The following MAGI2 variants were observed in gnomAD, a reference collection of about 807,000 sequenced individuals.
The protein encoded by MAGI2 is membrane associated guanylate kinase, WW and PDZ domain containing 2, also known as membrane-associated guanylate kinase, WW and PDZ domain-containing protein 2.
Under a neutral mutation model 133.3 loss-of-function variants are expected in MAGI2, and 35 were observed. That is an observed-to-expected ratio of 0.26 (90% CI 0.20 to 0.35). The LOEUF (loss-of-function observed/expected upper bound fraction) is 0.35. Ranked by LOEUF, MAGI2 falls within the 10% of genes least tolerant of loss-of-function variation. The pLI is 1.00. For synonymous variants in MAGI2, 729 were observed against 710.6 expected, an observed-to-expected ratio of 1.03 and a Z score of -0.41; for missense variants, 1,636 against 1,863.4, an observed-to-expected ratio of 0.88 and a Z score of 2.25.
At chr7:79,129,042 TG>T (rs1820682485) in intron 1 of MAGI2, among the ~76,000 whole-genome samples, 1 of 152,194 alleles carries the variant, frequency 6.6e-6, no homozygotes, top group Admixed American at 6.5e-5. Context: ...AGCTAATTTT[TG>T]TATTTTTAGC....
intron 2 of MAGI2, among the ~76,000 whole-genome samples, chr7:78,647,093 A>G (rs1810974130): frequency 6.6e-6 from 1 of 152,324 alleles, no homozygotes; most frequent in African/African-American, 2.4e-5. Context: ...TCATAAAAAT[A>G]TTGTCATGCT....
At chr7:78,942,375 C>T (rs752455577) in intron 2 of MAGI2, among the ~76,000 whole-genome samples, 2 of 151,952 alleles carry the variant, frequency 1.3e-5, no homozygotes, top group Admixed American at 1.3e-4. Flanking sequence ...AGTAGATGTA[C>T]CTACAGTCAT....
intron 2 of MAGI2, among the ~76,000 whole-genome samples, chr7:78,837,473 G>A (rs897450695): frequency 8.5e-5 from 13 of 152,068 alleles, no homozygotes; most frequent in African/African-American, 2.9e-4. Context: ...AAGATAGAAC[G>A]AAAATAGTTG....
intron 2 of MAGI2, among the ~76,000 whole-genome samples, chr7:78,998,117 C>T (rs1224763063): frequency 6.6e-6 from 1 of 152,138 alleles, no homozygotes; most frequent in Non-Finnish European, 1.5e-5. Context: ...GCATCCTTAA[C>T]TTGACATTCA....
intron 6 of MAGI2, among the ~76,000 whole-genome samples, chr7:78,452,827 A>T (rs772888273): frequency 1.3e-5 from 2 of 152,036 alleles, no homozygotes; most frequent in Non-Finnish European, 2.9e-5. Context: ...CATACTTTTG[A>T]TGTGAACATT....
At chr7:78,436,538 C>T (rs966933895) in intron 6 of MAGI2, among the ~76,000 whole-genome samples, 1 of 152,144 alleles carries the variant, frequency 6.6e-6, no homozygotes, top group Non-Finnish European at 1.5e-5. Flanking sequence ...ATGCTCATTG[C>T]TAAGAACAAA....
chr7:78,799,243 C>T (rs1787862692), intron 2 of MAGI2, among the ~76,000 whole-genome samples: 1 of 152,066 alleles, frequency 6.6e-6, no homozygotes, highest in Non-Finnish European at 1.5e-5. Flanking sequence ...ATACAAGGGG[C>T]TGTATATGAC....
intron 1 of MAGI2, among the ~76,000 whole-genome samples, chr7:79,378,525 T>G (rs1417198420): frequency 2.7e-5 from 4 of 149,848 alleles, no homozygotes; most frequent in Non-Finnish European, 4.5e-5. Context: ...TCTGGCAGGG[T>G]TTTTTTTTAA....
At chr7:78,169,404 A>G (rs540021229) in intron 14 of MAGI2, among the ~76,000 whole-genome samples, 1 of 150,040 alleles carries the variant, frequency 6.7e-6, no homozygotes, top group South Asian at 2.1e-4. Flanking sequence ...TTCAGGCATA[A>G]TAATTTCTTT....
chr7:78,162,753 T>TGA (rs1825201070), intron 15 of MAGI2, among the ~76,000 whole-genome samples: 1 of 152,142 alleles, frequency 6.6e-6, no homozygotes, highest in African/African-American at 2.4e-5. Flanking sequence ...TTTAGCCAAA[T>TGA]GAGCATATTT....
In MAGI2 at chr7:79,230,639, G is replaced by A. The variant is rs539404374; in HGVS notation, c.301+222381C>T. Among the ~76,000 whole-genome samples, 1,376 of 149,582 alleles carry A rather than the reference G, an allele frequency of 9.2e-3. 24 individuals are homozygous for A. The highest frequency in any genetic ancestry group is 0.032 in the African/African-American group (1,310 of 41,020). On this transcript the variant is annotated intron_variant, in intron 1 of 21. Transcript: ENST00000354212. The stretch of plus-strand genomic sequence containing the variant: ...CCTTCGCCCACTTTTTGATGGGGTT[G>A]TTTGTTTTTTTCTTGTAAATTTGTT...
rs1795109328 is a variant in MAGI2 at position 78,506,596 on chromosome 7, T to A, written c.755-4809A>T. ...AAGCAATGAGAAAATTAAAAAAACT[T>A]CATGTTGCAAAAGCCAAGCAAAGGG... On this transcript the variant is annotated intron_variant, in intron 4 of 21. Coordinates refer to ENST00000354212, the MANE Select transcript of MAGI2 (RefSeq NM_012301.4). 2.6e-5 allele frequency among the ~76,000 whole-genome samples: 4 copies of A among 152,212 alleles called. No individual in the cohort carries two copies. In the South Asian group the frequency reaches 8.3e-4, roughly 32 times the overall value.
At chr7:78,133,310 A>G (rs1481208581) in intron 17 of MAGI2, among the ~76,000 whole-genome samples, 3 of 152,184 alleles carry the variant, frequency 2.0e-5, no homozygotes, top group Non-Finnish European at 4.4e-5. Flanking sequence ...AGAAGAAAAG[A>G]TTACCAAAAA....
intron 2 of MAGI2, among the ~76,000 whole-genome samples, chr7:78,854,122 T>C (rs1453844589): frequency 6.6e-6 from 1 of 152,208 alleles, no homozygotes; most frequent in African/African-American, 2.4e-5. Context: ...GATAAAAATC[T>C]AATTTCCTTC....
At chr7:78,666,143 T>C (rs1813555112) in intron 2 of MAGI2, among the ~76,000 whole-genome samples, 1 of 152,184 alleles carries the variant, frequency 6.6e-6, no homozygotes, top group Non-Finnish European at 1.5e-5. Context: ...GTACACCTGT[T>C]TGGAACTTTA....
chr7:78,236,124 C>T (rs984800624), intron 10 of MAGI2, among the ~76,000 whole-genome samples: 6 of 149,404 alleles, frequency 4.0e-5, no homozygotes, highest in African/African-American at 1.5e-4. Flanking sequence ...TAGGGTTAAT[C>T]TGTTCTTACC....
chr7:78,664,171 G>A (rs1472745561), intron 2 of MAGI2, among the ~76,000 whole-genome samples: 1 of 152,102 alleles, frequency 6.6e-6, no homozygotes, highest in East Asian at 1.9e-4. Context: ...TTATTGAGAA[G>A]TGACACTTAC....
At chr7:78,735,384 A>G (rs1202669229) in intron 2 of MAGI2, among the ~76,000 whole-genome samples, 1 of 152,214 alleles carries the variant, frequency 6.6e-6, no homozygotes, top group Non-Finnish European at 1.5e-5. Context: ...CAACAACAGT[A>G]ACAGCTAACT....
intron 1 of MAGI2, among the ~76,000 whole-genome samples, chr7:79,246,240 C>A (rs947658447): frequency 4.7e-4 from 71 of 152,246 alleles, no homozygotes; most frequent in Middle Eastern, 3.4e-3. Flanking sequence ...AATGCCCAGA[C>A]AACAACGAAT....
Sources: allele counts gnomAD v4.1 joint callset (sites outside exome capture counted in the v4.1 genomes callset), GRCh38; gene constraint gnomAD v4.1.1; transcripts MANE v1.5; gene names NCBI Gene and HGNC (gene_info 2026-07-23, HGNC 2026-07-21).